The following HABP2 variants were observed in gnomAD, a reference collection of about 807,000 sequenced individuals.
HABP2 encodes factor VII-activating protease.
A neutral mutation model predicts 66.5 loss-of-function variants in HABP2; 65 were observed. The ratio of observed to expected loss-of-function variants is 0.98; its 90% CI spans 0.80 to 1.20. HABP2 has a LOEUF of 1.20. HABP2 is among the 50% of genes most tolerant of loss of function. The pLI, the probability that HABP2 is intolerant of heterozygous loss-of-function variation, is 0.00. For synonymous variants in HABP2, 263 were observed against 253.9 expected (o/e 1.04, Z -0.34); for missense variants, 786 against 691.0 (o/e 1.14, Z -1.54).
chr10:113,581,035 T>C lies in HABP2; in HGVS notation c.838+343T>C, dbSNP rs577479571. 3.9e-5 allele frequency among the ~76,000 whole-genome samples: 6 copies of C among 152,276 alleles called. No homozygotes were observed. In the East Asian group the frequency reaches 5.8e-4, roughly 15 times the overall value. ...GGTGATCAAACTGGCTGGGCTCCCA[T>C]AGCCTCTTAGGATGCAAAGCATTCA... On this transcript the variant is annotated intron_variant, in intron 8 of 12. Coordinates refer to ENST00000351270, the MANE Select transcript of HABP2 (RefSeq NM_004132.5).
At chr10:113,572,863 A>T (rs1845338909) in intron 2 of HABP2, 1 of 235,072 alleles carries the variant, frequency 4.3e-6, no homozygotes. Context: ...GAGTTGGCGT[A>T]TTCAAAAAAG....
At chr10:113,577,700 A>G (rs1178674911) in intron 5 of HABP2, among the ~76,000 whole-genome samples, 1 of 152,232 alleles carries the variant, frequency 6.6e-6, no homozygotes, top group East Asian at 1.9e-4. Flanking sequence ...CCACATGGGT[A>G]TCAGCAGGCA....
At chr10:113,584,762 G>T (rs1434778359) in intron 11 of HABP2, among the ~76,000 whole-genome samples, 1 of 152,188 alleles carries the variant, frequency 6.6e-6, no homozygotes, top group Non-Finnish European at 1.5e-5. Context: ...GAAGATGGGG[G>T]TCAGGTCCCA....
intron 12 of HABP2, among the ~76,000 whole-genome samples, chr10:113,586,454 A>T: frequency 9.3e-6 from 1 of 107,856 alleles, no homozygotes. Flanking sequence ...ATTAGGACTC[A>T]TGTGTGCGTG....
intron 12 of HABP2, 80 bp downstream of exon 12, chr10:113,586,018 G>T: frequency 9.1e-6 from 12 of 1,319,098 alleles, no homozygotes; most frequent in Non-Finnish European, 1.2e-5. Flanking sequence ...AGAGCCCTGG[G>T]CTGGGAGCTA....
chr10:113,574,146 C>T (rs1845362884), intron 2 of HABP2, 143 bp from the exon 3 acceptor site: 1 of 561,942 alleles, frequency 1.8e-6, no homozygotes, highest in Non-Finnish European at 3.2e-6. Flanking sequence ...TTCCACTCCC[C>T]TCACTGTGCA....
In HABP2 at chr10:113,584,136, C is replaced by G. The variant is rs1369566511; in HGVS notation, c.1238-12C>G. The G allele has an allele frequency of 6.2e-7, 1 of 1,612,430 alleles. No individual in the cohort carries two copies. The highest frequency in any genetic ancestry group is 1.1e-5 in the South Asian group (1 of 90,828). ...GACATCGCATCCATTTTCTACCTCTCTCTCCACCTAGCATTGCTCAAGTTA... is the reference window on the plus strand; with the variant it reads ...GACATCGCATCCATTTTCTACCTCTGTCTCCACCTAGCATTGCTCAAGTTA... On this transcript the variant is annotated splice_polypyrimidine_tract_variant and intron_variant, in intron 10 of 12. Coordinates refer to ENST00000351270, the MANE Select transcript of HABP2 (RefSeq NM_004132.5).
intron 1 of HABP2, among the ~76,000 whole-genome samples, chr10:113,563,231 G>T (rs1166680593): frequency 6.6e-6 from 1 of 152,116 alleles, no homozygotes; most frequent in Non-Finnish European, 1.5e-5. Flanking sequence ...AGGAGTAAGG[G>T]TTCTTCTATC....
intron 2 of HABP2, among the ~76,000 whole-genome samples, chr10:113,573,029 C>A (rs144825581): frequency 2.9e-4 from 44 of 152,324 alleles, no homozygotes; most frequent in Admixed American, 7.8e-4. Context: ...AAGTGCCATC[C>A]TCCAAGCCAT....
rs1388120953 is a variant in HABP2 at position 113,577,936 on chromosome 10, G to A, written c.449-90G>A. 5 of 1,502,040 alleles carry A rather than the reference G, an allele frequency of 3.3e-6. No homozygotes were observed. The East Asian group carries it at 1.1e-4, about 34-fold the overall frequency. 93.0% of individuals were successfully genotyped at this position (1,502,040 alleles called of 1,614,324 possible). On this transcript the variant is annotated intron_variant, in intron 5 of 12. Transcript: ENST00000351270. ...ATCTTTCGCGAAAGGATGGACACCA[G>A]TAGAATGCCACCAATGTCTCCTTGT...
rs3740530 is a variant in HABP2 at position 113,574,365 on chromosome 10, C to T, written c.183C>T (p.His61=). 0.63 allele frequency: 1,002,822 copies of T among 1,594,766 alleles called. 320,698 individuals are homozygous for T. The highest frequency in any genetic ancestry group is 0.7 in the Admixed American group (42,211 of 59,928). The change falls in exon 3 of 13, where the codon CAC becomes CAT. Residue 61 remains histidine (H), a synonymous_variant. Transcript: ENST00000351270. ...AGAACACCAGTAGCACACTTACCCA[C>T]GCTGAGAATCCTGACTGGTACTACA... ...QEENTSSTLT[H]AENPDWYYTE... is the part of the protein sequence containing the mutation.
intron 2 of HABP2, among the ~76,000 whole-genome samples, chr10:113,571,520 C>T (rs1845311496): frequency 6.6e-6 from 1 of 151,908 alleles, no homozygotes; most frequent in South Asian, 2.1e-4. Flanking sequence ...TGTCCTAAGG[C>T]CAACCCAGAA....
At chr10:113,571,595 G>A (rs1345412757) in intron 2 of HABP2, among the ~76,000 whole-genome samples, 1 of 152,174 alleles carries the variant, frequency 6.6e-6, no homozygotes, top group African/African-American at 2.4e-5. Flanking sequence ...ATTGCAAAGG[G>A]TGTGGGTGCA....
chr10:113,555,909 C>T (rs1844983357), intron 1 of HABP2, among the ~76,000 whole-genome samples: 1 of 152,120 alleles, frequency 6.6e-6, no homozygotes, highest in South Asian at 2.1e-4. Context: ...TGCTAGGATT[C>T]TTAGAGTGAT....
intron 5 of HABP2, among the ~76,000 whole-genome samples, 154 bp downstream of exon 5, chr10:113,577,420 G>T (rs1592695733): frequency 6.6e-6 from 1 of 152,212 alleles, no homozygotes; most frequent in Non-Finnish European, 1.5e-5. Context: ...ATTATCCCTG[G>T]ATTGACTCCA....
At chr10:113,570,850 C>T (rs955636642) in intron 2 of HABP2, among the ~76,000 whole-genome samples, 14 of 152,226 alleles carry the variant, frequency 9.2e-5, no homozygotes, top group Admixed American at 3.9e-4. Flanking sequence ...TTGTGCTGGG[C>T]ACTCTGGGGT....
chr10:113,577,854 G>C (rs1193145069), intron 5 of HABP2, among the ~76,000 whole-genome samples, 172 bp from the exon 6 acceptor site: 4 of 152,190 alleles, frequency 2.6e-5, no homozygotes, highest in Non-Finnish European at 5.9e-5. Context: ...TGTTCTTAAG[G>C]CTTCTGTGTA....
rs7090772 is a variant in HABP2 at position 113,574,547 on chromosome 10, T to C, written c.223+142T>C. The C allele has an allele frequency of 0.59, 331,587 of 560,770 alleles. 100,600 individuals carry two copies. Among genetic ancestry groups the C allele is most frequent in the Admixed American group, 0.66 (20,152 of 30,766 alleles). The allele number at this position is 560,770 out of a possible 1,614,324, so 34.7% of individuals were successfully genotyped here. On this transcript the variant is annotated intron_variant, in intron 3 of 12. Transcript: ENST00000351270. ...ATGGAAGAAATTATTTGGACTGGCT[T>C]TTTTTTCTGTTAGATTCATATGCTA... is the stretch of plus-strand genomic sequence containing the variant.
At position 113,589,132 on chromosome 10, in the gene HABP2, C is replaced by T. The variant is rs1192065145; in HGVS notation, c.*763C>T. On this transcript the variant is annotated 3_prime_UTR_variant, in exon 13 of 13. Coordinates refer to ENST00000351270, the MANE Select transcript of HABP2 (RefSeq NM_004132.5). The stretch of plus-strand genomic sequence containing the variant: ...AAAATGAAGCTCCCCCACCCCCACT[C>T]CCGGCCCCGGTTCCCACAGGACACG... The T allele has an allele frequency of 2.0e-6, 3 of 1,469,568 alleles. No homozygotes were observed. The highest frequency in any genetic ancestry group is 2.8e-6 in the Non-Finnish European group (3 of 1,054,980). 91.0% of individuals were successfully genotyped at this position (1,469,568 alleles called of 1,614,324 possible).
Sources: gnomAD v4.1 joint callset for allele counts (sites outside exome capture counted in the v4.1 genomes callset) on GRCh38, gnomAD v4.1.1 for gene constraint, MANE v1.5 for transcripts, NCBI Gene and HGNC (gene_info 2026-07-23, HGNC 2026-07-21) for gene names.